The following ADAMTS2 variants were observed in gnomAD, a reference collection of about 807,000 sequenced individuals.
ADAMTS2 encodes A disintegrin and metalloproteinase with thrombospondin motifs 2.
ADAMTS2 carries 50 observed loss-of-function variants against 123.0 expected under a neutral mutation model. The ratio of observed to expected loss-of-function variants is 0.41; its 90% CI spans 0.32 to 0.51. The LOEUF is 0.51. Ranked by LOEUF, ADAMTS2 falls within the 20% of genes least tolerant of loss-of-function variation. ADAMTS2 has a pLI of 0.35. For missense variants in ADAMTS2, 1,494 were observed against 1,705.2 expected (o/e 0.88, Z 2.18); for synonymous variants, 678 against 695.4 (o/e 0.98, Z 0.39).
chr5:179,245,726 A>C lies in ADAMTS2; in HGVS notation c.688+27185T>G, dbSNP rs1046492117. Reference sequence around the variant, plus strand: ...GCTTGCAGTGAGCCGAGATCGCGCCACTGCACTCCAGCCTGGGCGACAGAG... The same window carrying C: ...GCTTGCAGTGAGCCGAGATCGCGCCCCTGCACTCCAGCCTGGGCGACAGAG... On this transcript the variant is annotated intron_variant, in intron 3 of 21. Coordinates refer to ENST00000251582, the MANE Select transcript of ADAMTS2 (RefSeq NM_014244.5). 1.4e-4 allele frequency among the ~76,000 whole-genome samples: 16 copies of C among 117,168 alleles called. No homozygotes were observed. The South Asian group carries it at 5.0e-3, about 36-fold the overall frequency. The allele number at this position is 117,168 out of a possible 152,430, so 76.9% of individuals were successfully genotyped here.
intron 11 of ADAMTS2, among the ~76,000 whole-genome samples, chr5:179,139,338 G>A (rs955085359): frequency 6.6e-6 from 1 of 152,098 alleles, no homozygotes; most frequent in African/African-American, 2.4e-5. Context: ...GTGTGGGGGT[G>A]AGGTGGGAGG....
rs971694435 is a variant in ADAMTS2, at chr5:179,137,660, A to T, written c.1951+109T>A. On this transcript the variant is annotated intron_variant, in intron 12 of 21. Transcript: ENST00000251582. ...CCAGGGTGGGCTCTCCTGCCAGCCC[A>T]GGGTCGCGGCAGCCTTGCCCCATGC... 6.2e-6 allele frequency: 9 copies of T among 1,440,442 alleles called. No homozygotes were observed. The South Asian group carries it at 1.0e-4, about 16-fold the overall frequency. The allele number at this position is 1,440,442 out of a possible 1,614,324, so 89.2% of individuals were successfully genotyped here. A position where few individuals can be genotyped will look rare whatever the true frequency, so the allele number is the denominator to read the frequency against.
intron 19 of ADAMTS2, 135 bp downstream of exon 19, chr5:179,124,838 G>A (rs545003323): frequency 2.4e-4 from 378 of 1,600,500 alleles, no homozygotes; most frequent in Admixed American, 3.3e-4. Context: ...CAGGCCGGGC[G>A]TCATTGCAGT....
At chr5:179,206,741 A>G (rs1231922595) in intron 4 of ADAMTS2, among the ~76,000 whole-genome samples, 1 of 152,152 alleles carries the variant, frequency 6.6e-6, no homozygotes. Context: ...TGAGGCAGAG[A>G]GAGGAAAGGT....
rs544518930 is a variant in ADAMTS2 at position 179,189,298 on chromosome 5, G to T, written c.892-8143C>A. Among the ~76,000 whole-genome samples, 1 of 152,072 alleles carries T rather than the reference G, an allele frequency of 6.6e-6. No homozygotes were observed. The highest frequency in any genetic ancestry group is 1.5e-5 in the Non-Finnish European group (1 of 68,014). On this transcript the variant is annotated intron_variant, in intron 4 of 21. Transcript: ENST00000251582. The surrounding 1 kb of genome is among the most constrained non-coding windows in gnomAD (Gnocchi z 4.2). Reference sequence around the variant, plus strand: ...AAAAAGAGAGTCAGCAAAGGGTGGTGGGACTACCATTCGTTGGTATAGGTT... The same window carrying T: ...AAAAAGAGAGTCAGCAAAGGGTGGTTGGACTACCATTCGTTGGTATAGGTT...
intron 3 of ADAMTS2, among the ~76,000 whole-genome samples, chr5:179,264,449 T>C (rs1453345728): frequency 1.3e-5 from 2 of 151,456 alleles, no homozygotes; most frequent in African/African-American, 4.8e-5. Context: ...AGCCTGCCTC[T>C]GCCATGCTGG....
At chr5:179,120,493 C>G (rs1305641076) in intron 21 of ADAMTS2, 1 of 152,186 alleles carries the variant, frequency 6.6e-6, no homozygotes, top group African/African-American at 2.4e-5. Context: ...AGGTGCACAC[C>G]AGTTATTTAC....
intron 13 of ADAMTS2, among the ~76,000 whole-genome samples, chr5:179,135,396 C>T (rs1344158764): frequency 6.6e-6 from 1 of 152,152 alleles, no homozygotes; most frequent in Non-Finnish European, 1.5e-5. Flanking sequence ...GGCGAGGTGA[C>T]ACGAGATTGT....
chr5:179,216,546 G>A (rs1764985715), intron 3 of ADAMTS2, among the ~76,000 whole-genome samples: 1 of 152,134 alleles, frequency 6.6e-6, no homozygotes, highest in Non-Finnish European at 1.5e-5. Flanking sequence ...GGCCCTACCA[G>A]GTGCCTGACT....
At position 179,256,291 on chromosome 5, in the gene ADAMTS2, A is replaced by T. The variant is rs532766436; in HGVS notation, c.688+16620T>A. On this transcript the variant is annotated intron_variant, in intron 3 of 21. Coordinates refer to ENST00000251582, the MANE Select transcript of ADAMTS2 (RefSeq NM_014244.5). This position sits in a 1 kb window ranked among gnomAD's most constrained non-coding sequence, Gnocchi z 4.1. ...GGGACACGGGTGCCCAACAGGAAAG[A>T]GGACGGGGGCTTATTATAAGGAAAA... is the stretch of plus-strand genomic sequence containing the variant. Among the ~76,000 whole-genome samples the T allele has an allele frequency of 1.5e-4, 23 of 152,276 alleles. No individual in the cohort carries two copies. The South Asian group carries it at 4.8e-3, about 32-fold the overall frequency.
At chr5:179,208,711 C>G (rs1348754438) in intron 3 of ADAMTS2, among the ~76,000 whole-genome samples, 1 of 152,244 alleles carries the variant, frequency 6.6e-6, no homozygotes, top group East Asian at 1.9e-4. Context: ...GATGGCAGCC[C>G]CAGACCACAC....
chr5:179,333,800 A>G (rs1374083750), intron 2 of ADAMTS2, among the ~76,000 whole-genome samples: 1 of 151,964 alleles, frequency 6.6e-6, no homozygotes, highest in Non-Finnish European at 1.5e-5. Flanking sequence ...GGGTTTCACC[A>G]TATTGGCCAG....
intron 2 of ADAMTS2, among the ~76,000 whole-genome samples, chr5:179,334,219 G>A (rs1318273495): frequency 1.3e-5 from 2 of 152,206 alleles, no homozygotes; most frequent in Non-Finnish European, 2.9e-5. Context: ...TGGCCGGGAG[G>A]TGCTGGCTCC....
chr5:179,220,274 G>A (rs1979979), intron 3 of ADAMTS2, among the ~76,000 whole-genome samples: 7,623 of 152,300 alleles, frequency 0.05, 285 homozygotes, highest in Non-Finnish European at 0.082. Flanking sequence ...TGAACGCAGA[G>A]GAGGTGGGGG....
At chr5:179,297,214 T>C (rs1022598456) in intron 2 of ADAMTS2, among the ~76,000 whole-genome samples, 2 of 152,144 alleles carry the variant, frequency 1.3e-5, no homozygotes, top group Admixed American at 6.5e-5. Context: ...CACAGACTCA[T>C]TGACTCGGGA....
chr5:179,310,075 C>T (rs764025046), intron 2 of ADAMTS2, among the ~76,000 whole-genome samples: 32 of 152,214 alleles, frequency 2.1e-4, no homozygotes, highest in Admixed American at 6.5e-4. Context: ...CAGGTTGATG[C>T]CTTGACTGCT....
chr5:179,151,541 G>C (rs1763355479), intron 10 of ADAMTS2, among the ~76,000 whole-genome samples: 1 of 152,182 alleles, frequency 6.6e-6, no homozygotes, highest in Admixed American at 6.5e-5. Flanking sequence ...TCCAGGCTTA[G>C]CTCATCTGCA....
At chr5:179,294,380 G>A (rs1756273740) in intron 2 of ADAMTS2, among the ~76,000 whole-genome samples, 1 of 152,216 alleles carries the variant, frequency 6.6e-6, no homozygotes, top group Admixed American at 6.5e-5. Context: ...CCCTTCCTTT[G>A]GTGACTCAAT....
intron 5 of ADAMTS2, among the ~76,000 whole-genome samples, chr5:179,168,636 C>T (rs1206139889): frequency 6.6e-6 from 1 of 152,178 alleles, no homozygotes; most frequent in Non-Finnish European, 1.5e-5. Context: ...GTTTCACAGA[C>T]CTCCTCTTAT....
Sources: gnomAD v4.1 joint callset for allele counts (sites outside exome capture counted in the v4.1 genomes callset) on GRCh38, gnomAD v4.1.1 for gene constraint, Gnocchi (gnomAD v3.1) non-coding constraint, MANE v1.5 for transcripts, NCBI Gene and HGNC (gene_info 2026-07-23, HGNC 2026-07-21) for gene names.